The following CRISPLD2 variants were observed in gnomAD, a reference collection of about 807,000 sequenced individuals.
The protein encoded by CRISPLD2 is cysteine rich secretory protein LCCL domain containing 2.
CRISPLD2 carries 47 observed loss-of-function variants against 71.1 expected under a neutral mutation model. That is an observed-to-expected ratio of 0.66 (90% CI 0.52 to 0.84). The LOEUF (loss-of-function observed/expected upper bound fraction) is 0.84. Among genes scored for constraint, CRISPLD2 ranks in the 40% least tolerant of loss-of-function variants. CRISPLD2 has a pLI of 0.00. For missense variants in CRISPLD2, 830 were observed against 651.1 expected, an observed-to-expected ratio of 1.27 and a Z score of -2.99; for synonymous variants, 317 against 250.1, an observed-to-expected ratio of 1.27 and a Z score of -2.52.
chr16:84,850,532 C>A, intron 4 of CRISPLD2, 36 bp from the exon 5 acceptor site: 2 of 1,571,554 alleles, frequency 1.3e-6, no homozygotes, highest in Non-Finnish European at 1.8e-6. Flanking sequence ...TGTGCCTTAT[C>A]CCTCGAGCTG....
chr16:84,875,715 T>A (rs368994385), intron 11 of CRISPLD2, among the ~76,000 whole-genome samples: 1 of 142,908 alleles, frequency 7.0e-6, no homozygotes, highest in South Asian at 2.3e-4. Context: ...CGCCACCATG[T>A]CCAGCTAATT....
chr16:84,889,324 C>G lies in CRISPLD2; in HGVS notation c.1400C>G (p.Thr467Ser), dbSNP rs1445029390. 1.2e-6 allele frequency: 2 copies of G among 1,613,890 alleles called. No homozygotes were observed. The highest frequency in any genetic ancestry group is 2.2e-5 in the East Asian group (1 of 44,880). The part of the protein sequence containing the change: ...VDVMPVDKKK[T>S]YVGSLRNGVQ... ...GTGATGCCCGTGGATAAAAAGAAGA[C>G]CTACGTGGGCTCGCTCAGGAATGGA... Residue 467 changes from threonine to serine, a missense_variant, in exon 14 of 15, where the codon ACC (threonine) becomes AGC (serine). By Grantham distance (58) the Thr-to-Ser change is moderately conservative (BLOSUM62 1). Transcript: ENST00000262424.
rs577708610 is a variant in CRISPLD2 at position 84,890,256 on chromosome 16, G to A, written c.1439+893G>A. Among the ~76,000 whole-genome samples, 7 of 152,336 alleles carry A rather than the reference G, an allele frequency of 4.6e-5. No homozygotes were observed. The East Asian group carries it at 1.4e-3, about 29-fold the overall frequency. ...CGCCTGTAGTCCCAGCTACCCGGGA[G>A]GCTGAGGCAGGAGAATGGCGTGAAC... On this transcript the variant is annotated intron_variant, in intron 14 of 14. Coordinates refer to ENST00000262424, the MANE Select transcript of CRISPLD2 (RefSeq NM_031476.4).
At chr16:84,864,033 G>T (rs1917468590) in intron 6 of CRISPLD2, among the ~76,000 whole-genome samples, 1 of 151,732 alleles carries the variant, frequency 6.6e-6, no homozygotes, top group Admixed American at 6.6e-5. Flanking sequence ...GCATGCCGGG[G>T]AGGGCCCAGC....
chr16:84,847,201 T>G (rs1439145579), intron 3 of CRISPLD2, among the ~76,000 whole-genome samples: 1 of 152,220 alleles, frequency 6.6e-6, no homozygotes, highest in Admixed American at 6.5e-5. Flanking sequence ...ATTTCCTAGC[T>G]TGGGTTTCAC....
At chr16:84,840,947 G>C (rs890794588) in intron 2 of CRISPLD2, among the ~76,000 whole-genome samples, 2 of 152,074 alleles carry the variant, frequency 1.3e-5, no homozygotes, top group African/African-American at 4.8e-5. Flanking sequence ...AGTGCCTCCC[G>C]TGTGCCCAGC....
chr16:84,849,639 A>C, intron 4 of CRISPLD2, 122 bp downstream of exon 4: 4 of 1,053,214 alleles, frequency 3.8e-6, no homozygotes, highest in Non-Finnish European at 5.6e-6. Context: ...ATTTTTAAAA[A>C]TTCAGTTCTA....
chr16:84,845,748 C>A, intron 2 of CRISPLD2, 38 bp from the exon 3 acceptor site: 2 of 1,424,044 alleles, frequency 1.4e-6, no homozygotes, highest in Non-Finnish European at 2.0e-6. Flanking sequence ...CCCTCCCTCA[C>A]CCTCACCTCC....
At chr16:84,861,510 A>G (rs1478126022) in intron 6 of CRISPLD2, among the ~76,000 whole-genome samples, 1 of 152,142 alleles carries the variant, frequency 6.6e-6, no homozygotes, top group Non-Finnish European at 1.5e-5. Context: ...TTGAGAGGCT[A>G]AGGCAGTCTC....
chr16:84,852,185 A>G (rs1190419994), intron 5 of CRISPLD2, among the ~76,000 whole-genome samples: 7 of 152,190 alleles, frequency 4.6e-5, no homozygotes, highest in African/African-American at 1.4e-4. Flanking sequence ...TTTAACCTTA[A>G]TTAGTTTCAT....
At chr16:84,885,463 G>C (rs1196083145) in intron 13 of CRISPLD2, among the ~76,000 whole-genome samples, 1 of 152,198 alleles carries the variant, frequency 6.6e-6, no homozygotes. Context: ...GGCCATCCCC[G>C]GTTTGCCTAG....
At chr16:84,846,240 C>CCTT in intron 3 of CRISPLD2, 1 of 192,664 alleles carries the variant, frequency 5.2e-6, no homozygotes, top group South Asian at 9.9e-5. Flanking sequence ...CCCTTCCCCT[C>CCTT]CCCTCCCCTC....
intron 14 of CRISPLD2, among the ~76,000 whole-genome samples, chr16:84,898,764 C>T (rs2071728383): frequency 6.6e-6 from 1 of 152,242 alleles, no homozygotes; most frequent in Admixed American, 6.5e-5. Flanking sequence ...GCTCAGTAAA[C>T]ACTGGTTGAA....
At position 84,844,600 on chromosome 16, in the gene CRISPLD2, T is replaced by G. The variant is rs572828949; in HGVS notation, c.241-1186T>G. Among the ~76,000 whole-genome samples the G allele has an allele frequency of 1.2e-4, 18 of 152,074 alleles. No homozygotes were observed. In the East Asian group the frequency reaches 3.5e-3, roughly 29 times the overall value. On this transcript the variant is annotated intron_variant, in intron 2 of 14. Coordinates refer to ENST00000262424, the MANE Select transcript of CRISPLD2 (RefSeq NM_031476.4). The stretch of plus-strand genomic sequence containing the variant: ...CGGGTCTCCAACTCCTGACCTCAAG[T>G]GATCTGCCCGCCTCAGCCTCGCAAA...
intron 14 of CRISPLD2, among the ~76,000 whole-genome samples, chr16:84,902,639 G>T (rs1024603551): frequency 9.2e-5 from 14 of 151,764 alleles, no homozygotes; most frequent in African/African-American, 2.7e-4. Flanking sequence ...AAATTTGGAT[G>T]GGTCGTCCCA....
intron 8 of CRISPLD2, 132 bp downstream of exon 8, chr16:84,869,043 G>C (rs34378313): frequency 9.2e-6 from 7 of 760,290 alleles, no homozygotes; most frequent in Non-Finnish European, 1.5e-5. Flanking sequence ...TCAGCAGGCA[G>C]AACAGGGGTT....
intron 8 of CRISPLD2, among the ~76,000 whole-genome samples, chr16:84,871,503 C>T (rs2071468762): frequency 6.6e-6 from 1 of 152,114 alleles, no homozygotes; most frequent in Non-Finnish European, 1.5e-5. Context: ...TGCGCTGCTG[C>T]ACTCCAGCCT....
At chr16:84,827,482 C>T (rs1379534004) in intron 1 of CRISPLD2, among the ~76,000 whole-genome samples, 1 of 152,052 alleles carries the variant, frequency 6.6e-6, no homozygotes, top group Non-Finnish European at 1.5e-5. Context: ...CGCCTGTCCT[C>T]GGTCACGGTC....
intron 11 of CRISPLD2, among the ~76,000 whole-genome samples, chr16:84,876,603 G>A (rs1444205627): frequency 6.6e-6 from 1 of 152,062 alleles, no homozygotes; most frequent in Non-Finnish European, 1.5e-5. Context: ...GACAAGCCTG[G>A]CCAACATGGT....
Sources: gnomAD v4.1 joint callset for allele counts (sites outside exome capture counted in the v4.1 genomes callset) on GRCh38, gnomAD v4.1.1 for gene constraint, MANE v1.5 for transcripts, NCBI Gene and HGNC (gene_info 2026-07-23, HGNC 2026-07-21) for gene names.